PER3: variants seen among roughly 807,000 people sequenced by gnomAD.
PER3 encodes the protein period circadian regulator 3.
A neutral mutation model predicts 127.2 loss-of-function variants in PER3; 107 were observed. The observed-to-expected ratio is 0.84, with a 90% CI of 0.72 to 0.99. The LOEUF is 0.99. Among genes scored for constraint, PER3 ranks in the 50% least tolerant of loss-of-function variants. PER3 has a pLI of 0.00. For synonymous variants in PER3, 618 were observed against 585.8 expected (o/e 1.05, Z -0.79); for missense variants, 1,560 against 1,525.8 (o/e 1.02, Z -0.37).
In PER3 at chr1:7,836,897, TA is replaced by T. The variant is rs2097361142; in HGVS notation, c.3399-100del. The T allele has an allele frequency of 3.9e-6, 3 of 766,308 alleles. No individual in the cohort carries two copies. In the South Asian group the frequency reaches 6.4e-5, roughly 16 times the overall value. 47.5% of individuals were successfully genotyped at this position (766,308 alleles called of 1,614,324 possible). On this transcript the variant is annotated intron_variant, in intron 20 of 21. Transcript: ENST00000377532. ...TGTATGCCTCATGTGTTAGAAAATG[TA>T]AGGTGTATTACCAACCAAGAAGAAG...
intron 6 of PER3, among the ~76,000 whole-genome samples, chr1:7,796,839 C>G (rs573881440): frequency 6.6e-6 from 1 of 152,250 alleles, no homozygotes; most frequent in African/African-American, 2.4e-5. Flanking sequence ...TTTTAGAGAA[C>G]AAATTACCAG....
intron 10 of PER3, 115 bp from the exon 11 acceptor site, chr1:7,808,778 G>T: frequency 4.6e-6 from 3 of 650,572 alleles, no homozygotes; most frequent in Non-Finnish European, 5.5e-6. Context: ...TTTTTTCTTT[G>T]GAGTCAAAGA....
intron 6 of PER3, among the ~76,000 whole-genome samples, chr1:7,795,464 G>A (rs2097141102): frequency 6.6e-6 from 1 of 152,190 alleles, no homozygotes; most frequent in African/African-American, 2.4e-5. Flanking sequence ...GGAACTCTTA[G>A]GAAGTCTAAT....
intron 5 of PER3, among the ~76,000 whole-genome samples, chr1:7,789,892 C>G (rs1036552175): frequency 1.3e-5 from 2 of 152,200 alleles, no homozygotes; most frequent in African/African-American, 4.8e-5. Flanking sequence ...TTCAAAAATA[C>G]TGATTTTATT....
Position 7,844,186 on chromosome 1 carries a change from T to A in PER3, c.*1431T>A. The A allele has an allele frequency of 5.0e-6, 1 of 200,974 alleles. No individual in the cohort carries two copies. Among genetic ancestry groups the A allele is most frequent in the Non-Finnish European group, 1.0e-5 (1 of 98,810 alleles). The allele number at this position is 200,974 out of a possible 1,614,324, so 12.4% of individuals were successfully genotyped here. On this transcript the variant is annotated 3_prime_UTR_variant, in exon 22 of 22. Coordinates refer to ENST00000377532, the MANE Select transcript of PER3 (RefSeq NM_001377275.1). ...ATGATGACCATCCTCATAGCTCAGATCTCCTTTCAAAGTAGTGGCTTTCTG... is the reference window on the plus strand; with the variant it reads ...ATGATGACCATCCTCATAGCTCAGAACTCCTTTCAAAGTAGTGGCTTTCTG...
chr1:7,809,254 A>G (rs1011988766), intron 11 of PER3, among the ~76,000 whole-genome samples: 5 of 152,238 alleles, frequency 3.3e-5, no homozygotes, highest in Non-Finnish European at 4.4e-5. Context: ...ATTACATTCC[A>G]AAGGCACCAG....
chr1:7,801,097 G>GC lies in PER3; in HGVS notation c.794-16_794-15insC. 1 of 1,276,952 alleles carries GC rather than the reference G, an allele frequency of 7.8e-7. No homozygotes were observed. Among genetic ancestry groups the GC allele is most frequent in the Non-Finnish European group, 1.1e-6 (1 of 906,428 alleles). The allele number at this position is 1,276,952 out of a possible 1,614,324, so 79.1% of individuals were successfully genotyped here. ...GATATTTGCCTTTAAATGGGTCTTT[G>GC]TTTTTTTTTCCTTAGCTCCTCGGAT... On this transcript the variant is annotated splice_polypyrimidine_tract_variant and intron_variant, in intron 7 of 21. Coordinates refer to ENST00000377532, the MANE Select transcript of PER3 (RefSeq NM_001377275.1).
At chr1:7,789,771 G>GT (rs1427835850) in intron 5 of PER3, among the ~76,000 whole-genome samples, 1 of 152,144 alleles carries the variant, frequency 6.6e-6, no homozygotes, top group East Asian at 1.9e-4. Context: ...AGCTTTGCGT[G>GT]TTTCTTCTTC....
chr1:7,796,118 C>A (rs2097144079), intron 6 of PER3, among the ~76,000 whole-genome samples: 1 of 152,150 alleles, frequency 6.6e-6, no homozygotes, highest in Non-Finnish European at 1.5e-5. Context: ...AAGCATGAGA[C>A]ACCCCAGACC....
At position 7,784,820 on chromosome 1, in the gene PER3, G is replaced by C; in HGVS notation, c.-58G>C. On this transcript the variant is annotated 5_prime_UTR_variant, in exon 2 of 22. Coordinates refer to ENST00000377532, the MANE Select transcript of PER3 (RefSeq NM_001377275.1). ...GTGTCTGTCACTGACTGCAAAGTGAGCGAGAAGCAGGCTGCGGGCCGTCCC... is the reference window on the plus strand; with the variant it reads ...GTGTCTGTCACTGACTGCAAAGTGACCGAGAAGCAGGCTGCGGGCCGTCCC... 1.4e-6 allele frequency: 2 copies of C among 1,391,488 alleles called. No homozygotes were observed. Among genetic ancestry groups the C allele is most frequent in the Middle Eastern group, 2.6e-4 (1 of 3,832 alleles). 86.2% of individuals were successfully genotyped at this position (1,391,488 alleles called of 1,614,324 possible).
chr1:7,823,746 T>G lies in PER3; in HGVS notation c.1958-2734T>G, dbSNP rs570828345. Among the ~76,000 whole-genome samples the G allele has an allele frequency of 1.9e-4, 29 of 151,848 alleles. No individual in the cohort carries two copies. In the South Asian group the frequency reaches 6.0e-3, roughly 32 times the overall value. ...TCCCTCTCTGCAACTGATAAAAACA[T>G]AGAGAAAAAATAAGAAACAGATGAT... On this transcript the variant is annotated intron_variant, in intron 16 of 21. Coordinates refer to ENST00000377532, the MANE Select transcript of PER3 (RefSeq NM_001377275.1).
At chr1:7,828,874 T>C (rs2097315228) in intron 18 of PER3, among the ~76,000 whole-genome samples, 1 of 152,204 alleles carries the variant, frequency 6.6e-6, no homozygotes, top group Non-Finnish European at 1.5e-5. Context: ...TGTTCATTAT[T>C]ATATTCCTAG....
chr1:7,834,027 A>G (rs550036029), intron 19 of PER3, among the ~76,000 whole-genome samples: 34 of 152,164 alleles, frequency 2.2e-4, no homozygotes, highest in South Asian at 6.2e-4. Context: ...GGTTCAAGCA[A>G]TTCTCCTGCC....
chr1:7,789,045 T>C (rs981239742), intron 5 of PER3, among the ~76,000 whole-genome samples: 3 of 152,108 alleles, frequency 2.0e-5, no homozygotes, highest in Admixed American at 6.5e-5. Context: ...CAGTTTTCTT[T>C]GTGACATTCA....
In PER3 at chr1:7,827,719, C is replaced by T; in HGVS notation, c.2790C>T (p.Ser930=). 6.2e-7 allele frequency: 1 copy of T among 1,614,164 alleles called. No individual in the cohort carries two copies. The highest frequency in any genetic ancestry group is 8.5e-7 in the Non-Finnish European group (1 of 1,180,022). The change falls in exon 18 of 22, where the codon AGC becomes AGT. Residue 930 remains serine (S), a synonymous_variant. Transcript: ENST00000377532. ...EGHPFITSRS[S]SPLQLNLLQE... ...ACCCGTTCATTACTTCGAGAAGCAG[C>T]TCACCCTTGCAGTTAAACTTACTTC...
rs1558410082 is a variant in PER3 at position 7,803,125 on chromosome 1, T to A, written c.951T>A (p.Arg317=). The A allele has an allele frequency of 1.9e-6, 3 of 1,611,518 alleles. No individual in the cohort carries two copies. Among genetic ancestry groups the A allele is most frequent in the Non-Finnish European group, 2.5e-6 (3 of 1,177,654 alleles). The part of the protein sequence containing the change: ...SILSYLHPED[R]SLMVAIHQKV... ...TAAGCTACCTGCACCCTGAAGATCG[T>A]TCTCTGATGGTTGCCATACACCAAA... The change falls in exon 9 of 22, where the codon CGT becomes CGA. Residue 317 remains arginine (R), a synonymous_variant. Coordinates refer to ENST00000377532, the MANE Select transcript of PER3 (RefSeq NM_001377275.1).
Position 7,810,463 on chromosome 1 carries a change from G to A in PER3, c.1397G>A (p.Ser466Asn), listed in dbSNP as rs770743128. The change falls in exon 13 of 22, where the codon AGT becomes AAT. Residue 466 changes from serine to asparagine, a missense_variant. Physicochemically the swap from Ser to Asn is conservative, Grantham distance 46. Around this residue, in one of 3 missense-constraint regions of PER3, gnomAD observed 1,332 missense variants for 1,223.6 expected, o/e 1.09. Transcript: ENST00000377532. The stretch of plus-strand genomic sequence containing the variant: ...ATGACCTTGCAGCAGGTCTATGCCA[G>A]TGTGAACAAAATTAAAAATCTGGGT... ...EQMTLQQVYA[S>N]VNKIKNLGQQ... is the part of the protein sequence containing the mutation. The A allele has an allele frequency of 5.0e-6, 8 of 1,611,926 alleles. No homozygotes were observed. Among genetic ancestry groups the A allele is most frequent in the South Asian group, 4.4e-5 (4 of 90,862 alleles).
intron 4 of PER3, chr1:7,787,073 C>A (rs148434153): frequency 7.6e-4 from 311 of 408,366 alleles, no homozygotes; most frequent in Middle Eastern, 6.6e-3. Context: ...TTATGAGGTG[C>A]TTCTAGCTCC....
rs762552158 is a variant in PER3 at position 7,784,911 on chromosome 1, C to CG, written c.40dup (p.Ala14GlyfsTer2). On this transcript the variant is annotated frameshift_variant, in exon 2 of 22. Coordinates refer to ENST00000377532, the MANE Select transcript of PER3 (RefSeq NM_001377275.1). LOFTEE classifies it high-confidence loss of function. ...CGGGGAAGCTCCTGGCCCCGGGAGA[C>CG]GGGGGGCTAAGGACGAGGCCCTGGG... The CG allele has an allele frequency of 6.6e-6, 10 of 1,524,192 alleles. No homozygotes were observed. The highest frequency in any genetic ancestry group is 1.3e-5 in the South Asian group (1 of 76,512). The allele number at this position is 1,524,192 out of a possible 1,614,324, so 94.4% of individuals were successfully genotyped here.
Sources: allele counts gnomAD v4.1 joint callset (sites outside exome capture counted in the v4.1 genomes callset), GRCh38; gene constraint gnomAD v4.1.1; regional missense constraint gnomAD v4.1.1; transcripts MANE v1.5; gene names NCBI Gene and HGNC (gene_info 2026-07-23, HGNC 2026-07-21).